PTGER3: variants seen among roughly 807,000 people sequenced by gnomAD.
The protein encoded by PTGER3 is prostaglandin E2 receptor EP3 subtype.
Under a neutral mutation model 34.7 loss-of-function variants are expected in PTGER3, and 22 were observed. The ratio of observed to expected loss-of-function variants is 0.63; its 90% CI spans 0.45 to 0.91. The LOEUF (loss-of-function observed/expected upper bound fraction) is 0.91, where lower values mean the gene tolerates loss of function less well. Among genes scored for constraint, PTGER3 ranks in the 40% least tolerant of loss-of-function variants. The pLI is 0.00. For synonymous variants in PTGER3, 241 were observed against 230.1 expected (o/e 1.05, Z -0.43); for missense variants, 468 against 519.4 (o/e 0.90, Z 0.96).
chr1:70,935,672 A>AATATATATATATAT lies in PTGER3; in HGVS notation c.*23+18077_*23+18090dup, dbSNP rs10577850. The stretch of plus-strand genomic sequence containing the variant: ...TGTTGGTACTAAGGATACAAATATA[A>AATATATATATATAT]ATATATATATATATATATATATGTT... On this transcript the variant is annotated intron_variant, in intron 4 of 4. Coordinates refer to the PTGER3 transcript ENST00000370931. Among the ~76,000 whole-genome samples the AATATATATATATAT allele has an allele frequency of 1.9e-3, 267 of 140,200 alleles. 1 individual carries two copies. The highest frequency in any genetic ancestry group is 5.8e-3 in the African/African-American group (212 of 36,412). 92.0% of individuals were successfully genotyped at this position (140,200 alleles called of 152,430 possible).
At chr1:71,017,481 T>C (rs1658010179) in intron 1 of PTGER3, among the ~76,000 whole-genome samples, 1 of 152,152 alleles carries the variant, frequency 6.6e-6, no homozygotes, top group African/African-American at 2.4e-5. Flanking sequence ...GCCACTGATA[T>C]GGTCTAGCTC....
intron 2 of PTGER3, chr1:71,007,882 G>A: frequency 1.0e-6 from 1 of 985,232 alleles, no homozygotes; most frequent in Non-Finnish European, 1.2e-6. Flanking sequence ...TTGAGAAGTG[G>A]AATCATCTCC....
rs1241542305 is a variant in PTGER3 at position 70,981,368 on chromosome 1, TTTCTTTCTTTCTTTCTTTCTTTCTTTCC to T, written c.1078-7008_1078-6981del. Among the ~76,000 whole-genome samples the T allele has an allele frequency of 7.6e-4, 88 of 115,242 alleles. 1 individual carries two copies. The highest frequency in any genetic ancestry group is 2.5e-3 in the African/African-American group (72 of 29,278). 75.6% of individuals were successfully genotyped at this position (115,242 alleles called of 152,430 possible). On this transcript the variant is annotated intron_variant, in intron 2 of 3. Transcript: ENST00000306666. ...CTTTCTTTCTTTCTTTCTTTCTTTC[TTTCTTTCTTTCTTTCTTTCTTTCTTTCC>T]TTCCTTCCTTCCTTCCTTCCTTCTT...
At chr1:71,006,689 G>A in intron 2 of PTGER3, 1 of 984,460 alleles carries the variant, frequency 1.0e-6, no homozygotes, top group Non-Finnish European at 1.2e-6. Flanking sequence ...ACATGATTAT[G>A]GAATATAAAA....
intron 4 of PTGER3, among the ~76,000 whole-genome samples, chr1:70,897,665 A>T (rs1235460158): frequency 6.6e-6 from 1 of 152,154 alleles, no homozygotes. Flanking sequence ...CTTTGCCTCC[A>T]GCCAAGGTCC....
At chr1:70,911,824 G>A (rs891551587) in intron 4 of PTGER3, among the ~76,000 whole-genome samples, 17 of 152,224 alleles carry the variant, frequency 1.1e-4, no homozygotes, top group African/African-American at 3.9e-4. Flanking sequence ...AAATGCCCCA[G>A]ATGATAAATG....
chr1:71,003,506 T>C (rs536382296), intron 2 of PTGER3, among the ~76,000 whole-genome samples: 12 of 152,330 alleles, frequency 7.9e-5, no homozygotes, highest in Non-Finnish European at 1.5e-4. Context: ...GTAAGGCAAA[T>C]GCATCTTTGG....
At chr1:70,910,701 C>CAA (rs60337248) in intron 4 of PTGER3, among the ~76,000 whole-genome samples, 26,425 of 152,160 alleles carry the variant, frequency 0.17, 2,904 homozygotes, top group East Asian at 0.3. Context: ...AAGACGCTTG[C>CAA]AAAGAGGCAA....
At chr1:70,931,146 A>C (rs1418131494) in intron 4 of PTGER3, among the ~76,000 whole-genome samples, 2 of 152,242 alleles carry the variant, frequency 1.3e-5, no homozygotes, top group African/African-American at 2.4e-5. Context: ...TCAGCAGGGC[A>C]GTCAAATTTT....
At chr1:70,900,227 A>G (rs1405015822) in intron 4 of PTGER3, among the ~76,000 whole-genome samples, 1 of 152,072 alleles carries the variant, frequency 6.6e-6, no homozygotes, top group Non-Finnish European at 1.5e-5. Flanking sequence ...GACTGCCCCT[A>G]TTTCTTTGCT....
At chr1:70,968,700 A>G (rs1328377352), downstream of PTGER3, among the ~76,000 whole-genome samples, 1 of 151,858 alleles carries the variant, frequency 6.6e-6, no homozygotes, top group Non-Finnish European at 1.5e-5. Flanking sequence ...TACTCTAAAA[A>G]CTAAAGTAGT....
intron 1 of PTGER3, among the ~76,000 whole-genome samples, chr1:71,022,783 G>C (rs980260222): frequency 4.6e-5 from 7 of 151,346 alleles, no homozygotes; most frequent in African/African-American, 1.7e-4. Context: ...TGTTTAGGGG[G>C]CTTCCCACCT....
chr1:70,863,961 G>A (rs1467765938), intron 4 of PTGER3, among the ~76,000 whole-genome samples: 1 of 152,128 alleles, frequency 6.6e-6, no homozygotes, highest in African/African-American at 2.4e-5. Context: ...ATCATGGAAG[G>A]TTCTTGAGCA....
At chr1:70,954,554 G>A (rs1283476583) in intron 2 of PTGER3, among the ~76,000 whole-genome samples, 1 of 152,146 alleles carries the variant, frequency 6.6e-6, no homozygotes, top group African/African-American at 2.4e-5. Context: ...TGTCATAGAT[G>A]ATGGAACTGA....
intron 4 of PTGER3, among the ~76,000 whole-genome samples, chr1:70,907,498 G>A (rs1215983777): frequency 6.6e-6 from 1 of 152,240 alleles, no homozygotes; most frequent in Admixed American, 6.5e-5. Flanking sequence ...TATGCTACTG[G>A]ACTAGTGGAA....
At chr1:70,948,024 G>C (rs1359433968), downstream of PTGER3, among the ~76,000 whole-genome samples, 1 of 152,138 alleles carries the variant, frequency 6.6e-6, no homozygotes, top group East Asian at 1.9e-4. Context: ...TTTTAGCATA[G>C]TGAGTGTGAT....
At chr1:70,952,316 A>G, downstream of PTGER3, 3 of 703,584 alleles carry the variant, frequency 4.3e-6, no homozygotes, top group Non-Finnish European at 5.2e-6. Context: ...TGATGGGGTT[A>G]TGAACCCTGC....
At chr1:70,918,097 C>T (rs1647234564) in intron 4 of PTGER3, among the ~76,000 whole-genome samples, 1 of 151,934 alleles carries the variant, frequency 6.6e-6, no homozygotes, top group Admixed American at 6.6e-5. Context: ...CATGCATTTA[C>T]AGCCAACTGA....
Position 70,981,316 on chromosome 1 carries a change from CTTTCTTCTTTCTTTCTTTCTTTCTTTCT to C in PTGER3, c.1078-6956_1078-6929del, listed in dbSNP as rs1181776337. ...TCTTCCTTCCTTCCTTCCTTCCTTC[CTTTCTTCTTTCTTTCTTTCTTTCTTTCT>C]TTCTTTCTTTCTTTCTTTCTTTCTT... On this transcript the variant is annotated intron_variant, in intron 2 of 3. Transcript: ENST00000306666. Among the ~76,000 whole-genome samples, 14 of 60,682 alleles carry C rather than the reference CTTTCTTCTTTCTTTCTTTCTTTCTTTCT, an allele frequency of 2.3e-4. 1 individual carries two copies. The highest frequency in any genetic ancestry group is 7.8e-4 in the African/African-American group (12 of 15,374). The allele number at this position is 60,682 out of a possible 152,430, so 39.8% of individuals were successfully genotyped here.
Sources: allele counts gnomAD v4.1 joint callset (sites outside exome capture counted in the v4.1 genomes callset), GRCh38; gene constraint gnomAD v4.1.1; transcripts MANE v1.5; gene names NCBI Gene and HGNC (gene_info 2026-07-23, HGNC 2026-07-21).